Variants in CDC7 observed in about 807,000 individuals in gnomAD.
The protein encoded by CDC7 is cell division cycle 7.
In CDC7, 34 loss-of-function variants were observed where a neutral mutation model predicts 53.5. The ratio of observed to expected loss-of-function variants is 0.64; its 90% confidence interval spans 0.48 to 0.85. The LOEUF (loss-of-function observed/expected upper bound fraction) is 0.85. CDC7 is among the 40% of genes least tolerant of loss of function. The probability of loss-of-function intolerance (pLI) is 0.00; values close to 1 mark genes in which losing one functional copy is unlikely to be tolerated. For missense variants in CDC7, 594 were observed against 679.7 expected (o/e 0.87, Z 1.40); for synonymous variants, 211 against 222.8 (o/e 0.95, Z 0.47).
intron 10 of CDC7, among the ~76,000 whole-genome samples, chr1:91,518,620 G>A (rs1667730823): frequency 6.6e-6 from 1 of 152,138 alleles, no homozygotes; most frequent in East Asian, 1.9e-4. Context: ...TATGTCAGGT[G>A]AAATAAGCCA....
At chr1:91,501,498 A>C in intron 1 of CDC7, 156 bp from the exon 2 acceptor site, 2 of 476,514 alleles carry the variant, frequency 4.2e-6, no homozygotes, top group Non-Finnish European at 7.5e-6. Context: ...AATAAAGCAC[A>C]TGGAATTCCT....
intron 6 of CDC7, 96 bp from the exon 7 acceptor site, chr1:91,512,962 G>T (rs1051898315): frequency 2.0e-6 from 2 of 1,023,350 alleles, no homozygotes; most frequent in Admixed American, 5.2e-5. Context: ...ATCCCAAAAA[G>T]AATTACAGTT....
chr1:91,515,146 A>G (rs1667491147), intron 9 of CDC7, 149 bp downstream of exon 9: 1 of 520,638 alleles, frequency 1.9e-6, no homozygotes, highest in South Asian at 3.5e-5. Flanking sequence ...TATGTTGAAG[A>G]GCAAATGATA....
At chr1:91,505,048 G>A (rs1312347601) in intron 2 of CDC7, among the ~76,000 whole-genome samples, 1 of 152,166 alleles carries the variant, frequency 6.6e-6, no homozygotes, top group Admixed American at 6.5e-5. Flanking sequence ...GAAGGAGATT[G>A]TAATTTTAGT....
At chr1:91,508,492 T>C in intron 4 of CDC7, 95 bp downstream of exon 4, 2 of 943,234 alleles carry the variant, frequency 2.1e-6, no homozygotes, top group Non-Finnish European at 3.1e-6. Context: ...ATATGTGAAT[T>C]AAATACATTT....
intron 10 of CDC7, among the ~76,000 whole-genome samples, chr1:91,518,482 G>A (rs188074590): frequency 1.7e-4 from 26 of 152,242 alleles, no homozygotes; most frequent in Non-Finnish European, 2.6e-4. Flanking sequence ...ATTTGAAAGC[G>A]ACCTAAGTGT....
chr1:91,513,871 A>G, intron 7 of CDC7, 77 bp from the exon 8 acceptor site: 1 of 1,061,174 alleles, frequency 9.4e-7, no homozygotes, highest in East Asian at 2.4e-5. Context: ...AACTCTTTCA[A>G]AACTATGGCA....
At position 91,524,207 on chromosome 1, in the gene CDC7, C is replaced by G; in HGVS notation, c.1497C>G (p.Cys499Trp). ...AGAAGACTGACCATAAAGCTTCTTG[C>G]CTCGTTCAAACACCTCCAGGACAAT... ...ISEKTDHKAS[C>W]LVQTPPGQYS... Residue 499 changes from cysteine (C) to tryptophan (W), a missense_variant, in exon 12 of 12, where the codon TGC (cysteine) becomes TGG (tryptophan). Transcript: ENST00000234626. 9 of 1,613,936 alleles carry G rather than the reference C, an allele frequency of 5.6e-6. No individual in the cohort carries two copies. Among genetic ancestry groups the G allele is most frequent in the Non-Finnish European group, 6.8e-6 (8 of 1,179,900 alleles).
chr1:91,518,741 G>A (rs898596520), intron 10 of CDC7, among the ~76,000 whole-genome samples: 9 of 152,122 alleles, frequency 5.9e-5, no homozygotes, highest in Non-Finnish European at 1.2e-4. Context: ...GAGAAGGGTG[G>A]TGGGAGGGTG....
At chr1:91,523,316 G>A (rs1668073720) in intron 11 of CDC7, among the ~76,000 whole-genome samples, 1 of 152,104 alleles carries the variant, frequency 6.6e-6, no homozygotes, top group African/African-American at 2.4e-5. Flanking sequence ...CATCTCTAAG[G>A]ATGTATGTGT....
At chr1:91,521,013 C>T (rs1309542970) in intron 11 of CDC7, among the ~76,000 whole-genome samples, 1 of 152,162 alleles carries the variant, frequency 6.6e-6, no homozygotes, top group Non-Finnish European at 1.5e-5. Context: ...ATTTTCCACG[C>T]TCAGTTATAG....
chr1:91,510,263 C>T (rs1451782059), intron 4 of CDC7, among the ~76,000 whole-genome samples: 4 of 151,566 alleles, frequency 2.6e-5, no homozygotes, highest in African/African-American at 7.3e-5. Flanking sequence ...GATGTCTTCT[C>T]TGAATTAAAT....
At chr1:91,524,018 G>A (rs1407516155) in intron 11 of CDC7, 23 bp from the exon 12 acceptor site, 1 of 1,552,922 alleles carries the variant, frequency 6.4e-7, no homozygotes, top group East Asian at 2.3e-5. Context: ...TTCTGTTTTT[G>A]TTTTTTCTTC....
At chr1:91,517,734 G>A (rs1356139674) in intron 10 of CDC7, among the ~76,000 whole-genome samples, 1 of 152,102 alleles carries the variant, frequency 6.6e-6, no homozygotes, top group African/African-American at 2.4e-5. Context: ...AAACTCTGAG[G>A]AATATCCGTC....
At position 91,514,063 on chromosome 1, in the gene CDC7, A is replaced by G. The variant is rs764592045; in HGVS notation, c.918+20A>G. 4.8e-6 allele frequency: 7 copies of G among 1,444,952 alleles called. No homozygotes were observed. The South Asian group carries it at 6.9e-5, about 14-fold the overall frequency. 89.5% of individuals were successfully genotyped at this position (1,444,952 alleles called of 1,614,324 possible). On this transcript the variant is annotated intron_variant, in intron 8 of 11. Coordinates refer to ENST00000234626, the MANE Select transcript of CDC7 (RefSeq NM_003503.4). Reference sequence around the variant, plus strand: ...GTGAAAGTAAGTAATGTAGCTTAATAGCATAATGGTCAGTCAGTCATACAC... The same window carrying G: ...GTGAAAGTAAGTAATGTAGCTTAATGGCATAATGGTCAGTCAGTCATACAC...
chr1:91,523,258 G>A (rs1368282339), intron 11 of CDC7, among the ~76,000 whole-genome samples: 3 of 152,136 alleles, frequency 2.0e-5, no homozygotes, highest in Non-Finnish European at 4.4e-5. Flanking sequence ...GAGATAAAAG[G>A]AAAAGGGGAG....
chr1:91,502,287 C>T (rs1179735488), intron 2 of CDC7, among the ~76,000 whole-genome samples: 1 of 152,126 alleles, frequency 6.6e-6, no homozygotes, highest in African/African-American at 2.4e-5. Flanking sequence ...GTTCTTTGAC[C>T]GTAAACCAGA....
intron 10 of CDC7, among the ~76,000 whole-genome samples, chr1:91,517,325 T>C (rs1045585669): frequency 3.3e-5 from 5 of 151,950 alleles, no homozygotes; most frequent in African/African-American, 1.2e-4. Flanking sequence ...AATGAGGGTA[T>C]TGGTAATAGG....
At chr1:91,515,974 C>T (rs1412149634) in intron 10 of CDC7, 98 bp downstream of exon 10, 2 of 990,818 alleles carry the variant, frequency 2.0e-6, no homozygotes, top group Non-Finnish European at 3.1e-6. Flanking sequence ...TATTTGAGTT[C>T]TTCTGCTTTT....
Sources: allele counts gnomAD v4.1 joint callset (sites outside exome capture counted in the v4.1 genomes callset), GRCh38; gene constraint gnomAD v4.1.1; transcripts MANE v1.5; gene names NCBI Gene and HGNC (gene_info 2026-07-23, HGNC 2026-07-21).